The following UNC5D variants were observed in gnomAD, a reference collection of about 807,000 sequenced individuals.
The protein encoded by UNC5D is unc-5 netrin receptor D, also known as netrin receptor UNC5D.
Under a neutral mutation model 105.4 loss-of-function variants are expected in UNC5D, and 39 were observed. The ratio of observed to expected loss-of-function variants is 0.37; its 90% CI spans 0.29 to 0.48. The LOEUF is 0.48. Ranked by LOEUF, UNC5D falls within the 20% of genes least tolerant of loss-of-function variation. UNC5D has a pLI of 0.98. For synonymous variants in UNC5D, 452 were observed against 450.4 expected (o/e 1.00, Z -0.04); for missense variants, 991 against 1,202.4 (o/e 0.82, Z 2.60).
At position 35,792,589 on chromosome 8, in the gene UNC5D, T is replaced by C. The variant is rs1803091913; in HGVS notation, c.*2026T>C. 6.4e-6 allele frequency: 1 copy of C among 156,206 alleles called. No individual in the cohort carries two copies. Among genetic ancestry groups the C allele is most frequent in the Non-Finnish European group, 1.4e-5 (1 of 70,984 alleles). The allele number at this position is 156,206 out of a possible 1,614,324, so 9.7% of individuals were successfully genotyped here. On this transcript the variant is annotated 3_prime_UTR_variant, in exon 17 of 17. Coordinates refer to ENST00000404895, the MANE Select transcript of UNC5D (RefSeq NM_080872.4). Reference sequence around the variant, plus strand: ...AATCATCTGGCATCACTGATAGAATTTCTGAAAGAGAAAGAGAAGTAGATG... The same window carrying C: ...AATCATCTGGCATCACTGATAGAATCTCTGAAAGAGAAAGAGAAGTAGATG...
chr8:35,293,760 T>C (rs568616046), intron 1 of UNC5D, among the ~76,000 whole-genome samples: 1 of 152,332 alleles, frequency 6.6e-6, no homozygotes, highest in South Asian at 2.1e-4. Context: ...GCATCTTCAA[T>C]ATTGTAATTT....
At chr8:35,596,258 T>C (rs1819485694) in intron 4 of UNC5D, among the ~76,000 whole-genome samples, 1 of 152,206 alleles carries the variant, frequency 6.6e-6, no homozygotes, top group Non-Finnish European at 1.5e-5. Flanking sequence ...TTCTTGAATG[T>C]TTTCTAGAAC....
intron 1 of UNC5D, among the ~76,000 whole-genome samples, chr8:35,540,180 A>G (rs1311297716): frequency 6.6e-6 from 1 of 152,184 alleles, no homozygotes; most frequent in South Asian, 2.1e-4. Flanking sequence ...TTCATACACA[A>G]ATGTATCCAT....
intron 13 of UNC5D, among the ~76,000 whole-genome samples, chr8:35,753,281 T>G (rs1026650762): frequency 3.9e-5 from 6 of 152,068 alleles, no homozygotes; most frequent in African/African-American, 9.7e-5. Context: ...TTTTTTTTTG[T>G]TTTTTGAGAT....
rs374620147 is a variant in UNC5D, at chr8:35,378,502, T to C, written c.103+142615T>C. The stretch of plus-strand genomic sequence containing the variant: ...GTCAAGAGGCTCACCCCCTTCAGTT[T>C]GCCCCATATTTGAGACCCTGCCCTA... On this transcript the variant is annotated intron_variant, in intron 1 of 16. Transcript: ENST00000404895. 3.1e-4 allele frequency among the ~76,000 whole-genome samples: 47 copies of C among 152,302 alleles called. 1 individual carries two copies. Among genetic ancestry groups the C allele is most frequent in the African/African-American group, 1.1e-3 (45 of 41,574 alleles).
intron 1 of UNC5D, among the ~76,000 whole-genome samples, chr8:35,507,195 A>AC (rs1812374879): frequency 6.7e-6 from 1 of 149,820 alleles, no homozygotes; most frequent in African/African-American, 2.5e-5. Flanking sequence ...AGCTGGGACT[A>AC]CAGGCGCCCG....
intron 1 of UNC5D, among the ~76,000 whole-genome samples, chr8:35,546,531 A>G (rs534201721): frequency 1.1e-4 from 16 of 152,334 alleles, no homozygotes; most frequent in African/African-American, 3.6e-4. Flanking sequence ...GCTTACCACT[A>G]TAGCTTTGGG....
At chr8:35,292,632 T>C (rs1223855418) in intron 1 of UNC5D, among the ~76,000 whole-genome samples, 1 of 152,094 alleles carries the variant, frequency 6.6e-6, no homozygotes, top group Non-Finnish European at 1.5e-5. Context: ...CTACTGTTGA[T>C]AGAAAGCCTT....
At chr8:35,339,422 T>C (rs1811293290) in intron 1 of UNC5D, among the ~76,000 whole-genome samples, 1 of 152,242 alleles carries the variant, frequency 6.6e-6, no homozygotes, top group African/African-American at 2.4e-5. Context: ...ACTCATTTAT[T>C]TCCTTTCCAT....
intron 1 of UNC5D, among the ~76,000 whole-genome samples, chr8:35,499,375 C>T (rs1281775848): frequency 6.6e-6 from 1 of 152,136 alleles, no homozygotes; most frequent in Non-Finnish European, 1.5e-5. Context: ...TTTAGTTCTC[C>T]CTCTTGGTTG....
chr8:35,563,628 C>T (rs1331871899), intron 2 of UNC5D, among the ~76,000 whole-genome samples: 4 of 151,930 alleles, frequency 2.6e-5, no homozygotes, highest in African/African-American at 9.7e-5. Flanking sequence ...TGCCTGATTG[C>T]TCTGGCTAGG....
intron 7 of UNC5D, among the ~76,000 whole-genome samples, chr8:35,704,799 T>C (rs1827443881): frequency 6.6e-6 from 1 of 151,974 alleles, no homozygotes; most frequent in Non-Finnish European, 1.5e-5. Flanking sequence ...GGGACTGTGG[T>C]ATGACATAGA....
At chr8:35,686,510 ATTC>A (rs748734540) in intron 6 of UNC5D, 32 bp from the exon 7 acceptor site, 1 of 1,527,168 alleles carries the variant, frequency 6.5e-7, no homozygotes, top group South Asian at 1.3e-5. Flanking sequence ...TACTTGATTC[ATTC>A]TAACAATGGT....
intron 4 of UNC5D, among the ~76,000 whole-genome samples, chr8:35,603,329 C>T (rs1373958516): frequency 1.3e-5 from 2 of 152,096 alleles, no homozygotes; most frequent in African/African-American, 4.8e-5. Flanking sequence ...GCAGGTTGTT[C>T]AGTTTCCATG....
At chr8:35,721,553 A>T in intron 8 of UNC5D, 1 of 702,438 alleles carries the variant, frequency 1.4e-6, no homozygotes, top group South Asian at 1.5e-5. Context: ...AATTGGTGTC[A>T]GAAAACATCT....
intron 3 of UNC5D, among the ~76,000 whole-genome samples, chr8:35,580,509 G>A (rs925335461): frequency 6.6e-6 from 1 of 151,962 alleles, no homozygotes; most frequent in Non-Finnish European, 1.5e-5. Flanking sequence ...AATGGTCAAG[G>A]GGTGAACACA....
At chr8:35,476,632 T>C (rs991250071) in intron 1 of UNC5D, among the ~76,000 whole-genome samples, 1 of 152,146 alleles carries the variant, frequency 6.6e-6, no homozygotes, top group Non-Finnish European at 1.5e-5. Flanking sequence ...CCTTCGTTTA[T>C]TTCAGAGCTA....
chr8:35,571,543 G>T (rs962311242), intron 3 of UNC5D, among the ~76,000 whole-genome samples: 1 of 152,102 alleles, frequency 6.6e-6, no homozygotes, highest in Non-Finnish European at 1.5e-5. Flanking sequence ...CAAAAGTCAG[G>T]GGGGTGGGGG....
At chr8:35,467,589 A>AAAAAG (rs1554537851) in intron 1 of UNC5D, among the ~76,000 whole-genome samples, 13 of 126,206 alleles carry the variant, frequency 1.0e-4, no homozygotes, top group African/African-American at 1.4e-4. Context: ...AAAAAAAAAA[A>AAAAAG]AAGAAGAAAA....
Sources: allele counts gnomAD v4.1 joint callset (sites outside exome capture counted in the v4.1 genomes callset), GRCh38; gene constraint gnomAD v4.1.1; transcripts MANE v1.5; gene names NCBI Gene and HGNC (gene_info 2026-07-23, HGNC 2026-07-21).